The following CNTNAP2 variants were observed in gnomAD, a reference collection of about 807,000 sequenced individuals.
CNTNAP2 encodes contactin associated protein 2.
A neutral mutation model predicts 155.2 loss-of-function variants in CNTNAP2; 98 were observed. The ratio of observed to expected loss-of-function variants is 0.63; its 90% CI spans 0.54 to 0.75. CNTNAP2 has a LOEUF of 0.75. Ranked by LOEUF, CNTNAP2 falls within the 30% of genes least tolerant of loss-of-function variation. The pLI is 0.00. For missense variants in CNTNAP2, 1,727 were observed against 1,688.1 expected, an observed-to-expected ratio of 1.02 and a Z score of -0.40; for synonymous variants, 651 against 631.2, an observed-to-expected ratio of 1.03 and a Z score of -0.47.
At chr7:147,086,907 G>T (rs1800290972) in intron 4 of CNTNAP2, among the ~76,000 whole-genome samples, 1 of 152,272 alleles carries the variant, frequency 6.6e-6, no homozygotes, top group South Asian at 2.1e-4. Context: ...GAGCTTCAAC[G>T]AATTCAAGTT....
At chr7:147,783,232 A>G (rs1026194120) in intron 13 of CNTNAP2, among the ~76,000 whole-genome samples, 2 of 152,236 alleles carry the variant, frequency 1.3e-5, no homozygotes, top group African/African-American at 4.8e-5. Flanking sequence ...GTAATTAGCG[A>G]GTTCATAAAA....
intron 1 of CNTNAP2, among the ~76,000 whole-genome samples, chr7:146,605,676 A>C (rs947738061): frequency 1.3e-5 from 2 of 152,172 alleles, no homozygotes; most frequent in African/African-American, 4.8e-5. Flanking sequence ...AATTATTAGC[A>C]TTTGAATCCA....
rs1347571795 is a variant in CNTNAP2, at chr7:147,172,948, AAGAC to A, written c.1348+40441_1348+40444del. ...AATATCGTAATATAACTGTCACAGA[AAGAC>A]AAATCAAGAAGAAAGGAAAGAAGAA... On this transcript the variant is annotated intron_variant, in intron 8 of 23. Coordinates refer to ENST00000361727, the MANE Select transcript of CNTNAP2 (RefSeq NM_014141.6). Among the ~76,000 whole-genome samples, 15 of 152,286 alleles carry A rather than the reference AAGAC, an allele frequency of 9.8e-5. 1 individual carries two copies. Among genetic ancestry groups the A allele is most frequent in the African/African-American group, 3.1e-4 (13 of 41,550 alleles).
chr7:148,180,897 T>A (rs1314720004), intron 18 of CNTNAP2, among the ~76,000 whole-genome samples: 1 of 152,090 alleles, frequency 6.6e-6, no homozygotes, highest in Non-Finnish European at 1.5e-5. Flanking sequence ...TGGGTCTGAG[T>A]GGATGAGGTG....
At chr7:147,336,062 T>A (rs1166326460) in intron 9 of CNTNAP2, among the ~76,000 whole-genome samples, 1 of 152,044 alleles carries the variant, frequency 6.6e-6, no homozygotes, top group Non-Finnish European at 1.5e-5. Flanking sequence ...TTAGGTAGAG[T>A]CAAAGAGAAT....
intron 20 of CNTNAP2, among the ~76,000 whole-genome samples, chr7:148,235,942 C>T (rs1585207195): frequency 6.6e-6 from 1 of 152,094 alleles, no homozygotes; most frequent in Middle Eastern, 3.4e-3. Flanking sequence ...TCCTTGGCCT[C>T]CCAAAGTGCT....
At chr7:147,861,170 A>C (rs554407200) in intron 13 of CNTNAP2, among the ~76,000 whole-genome samples, 9 of 152,318 alleles carry the variant, frequency 5.9e-5, no homozygotes, top group African/African-American at 1.9e-4. Context: ...TTCTACTCCC[A>C]AAGCACAAGC....
At chr7:147,316,904 A>G (rs528367517) in intron 9 of CNTNAP2, among the ~76,000 whole-genome samples, 2 of 152,216 alleles carry the variant, frequency 1.3e-5, no homozygotes, top group South Asian at 2.1e-4. Context: ...TCTTATTGCA[A>G]TGGGGATAAA....
intron 8 of CNTNAP2, among the ~76,000 whole-genome samples, chr7:147,206,418 C>T (rs1201905362): frequency 2.0e-5 from 3 of 151,994 alleles, no homozygotes; most frequent in Non-Finnish European, 4.4e-5. Flanking sequence ...CAAAATTTAG[C>T]CAGGCATGGT....
At chr7:146,836,716 C>T (rs913605819) in intron 2 of CNTNAP2, among the ~76,000 whole-genome samples, 22 of 152,052 alleles carry the variant, frequency 1.4e-4, no homozygotes, top group African/African-American at 5.3e-4. Context: ...GCATTTTAAG[C>T]ACTCATTTCG....
chr7:146,437,221 C>T (rs1156846220), intron 1 of CNTNAP2, among the ~76,000 whole-genome samples: 1 of 151,416 alleles, frequency 6.6e-6, no homozygotes, highest in East Asian at 1.9e-4. Context: ...CACTTTCATC[C>T]TGAAACCATC....
At chr7:147,465,212 A>G (rs1361742666) in intron 10 of CNTNAP2, among the ~76,000 whole-genome samples, 1 of 152,088 alleles carries the variant, frequency 6.6e-6, no homozygotes, top group Non-Finnish European at 1.5e-5. Context: ...GGAAAACTTT[A>G]TTTATTATTT....
At chr7:147,517,895 G>A (rs893633485) in intron 11 of CNTNAP2, among the ~76,000 whole-genome samples, 3 of 152,114 alleles carry the variant, frequency 2.0e-5, no homozygotes, top group African/African-American at 2.4e-5. Context: ...CATCCATTGC[G>A]TCACCATCTA....
In CNTNAP2 at chr7:146,849,351, C is replaced by A. The variant is rs370837292; in HGVS notation, c.402+9447C>A. Among the ~76,000 whole-genome samples the A allele has an allele frequency of 3.9e-5, 6 of 152,134 alleles. No individual in the cohort carries two copies. The South Asian group carries it at 6.2e-4, about 16-fold the overall frequency. Reference sequence around the variant, plus strand: ...AACCATGATGTCCCTTAAACTGGAACCTTGAATCCAGGTATACTGACCTCA... The same window carrying A: ...AACCATGATGTCCCTTAAACTGGAAACTTGAATCCAGGTATACTGACCTCA... On this transcript the variant is annotated intron_variant, in intron 3 of 23. Coordinates refer to ENST00000361727, the MANE Select transcript of CNTNAP2 (RefSeq NM_014141.6).
At chr7:147,247,206 C>T (rs1293188026) in intron 8 of CNTNAP2, among the ~76,000 whole-genome samples, 1 of 152,014 alleles carries the variant, frequency 6.6e-6, no homozygotes, top group Non-Finnish European at 1.5e-5. Context: ...AATTTTATTT[C>T]CCCTCTCCTC....
At chr7:147,714,117 A>G (rs78767328) in intron 13 of CNTNAP2, among the ~76,000 whole-genome samples, 8,644 of 152,152 alleles carry the variant, frequency 0.057, 339 homozygotes, top group Middle Eastern at 0.11. Context: ...TAAGAACCCT[A>G]TGAATGTGCT....
intron 19 of CNTNAP2, among the ~76,000 whole-genome samples, chr7:148,219,082 A>T (rs1267302854): frequency 6.6e-6 from 1 of 151,106 alleles, no homozygotes; most frequent in Non-Finnish European, 1.5e-5. Context: ...AGCTGTGATT[A>T]CAGGCCTGCA....
chr7:147,448,484 G>GTGTATA (rs778509274), intron 10 of CNTNAP2, among the ~76,000 whole-genome samples: 66 of 143,446 alleles, frequency 4.6e-4, no homozygotes, highest in African/African-American at 1.5e-3. Context: ...GTGTGTGTGT[G>GTGTATA]TATATATATA....
chr7:146,599,743 GAGATAGATAGATAGAT>G (rs60717424), intron 1 of CNTNAP2, among the ~76,000 whole-genome samples: 4 of 145,594 alleles, frequency 2.7e-5, no homozygotes, highest in East Asian at 2.1e-4. Flanking sequence ...ACGACAGACA[GAGATAGATAGATAGAT>G]AGATAGATAG....
Sources: gnomAD v4.1 joint callset for allele counts (sites outside exome capture counted in the v4.1 genomes callset) on GRCh38, gnomAD v4.1.1 for gene constraint, MANE v1.5 for transcripts, NCBI Gene and HGNC (gene_info 2026-07-23, HGNC 2026-07-21) for gene names.